The following CSMD1 variants were observed in gnomAD, a reference collection of about 807,000 sequenced individuals.
The protein encoded by CSMD1 is CUB and sushi domain-containing protein 1.
In CSMD1, 213 loss-of-function variants were observed where a neutral mutation model predicts 417.5. The ratio of observed to expected loss-of-function variants is 0.51; its 90% CI spans 0.46 to 0.57. The LOEUF is 0.57. CSMD1 is among the 20% of genes least tolerant of loss of function. The probability of loss-of-function intolerance (pLI) is 0.00; values close to 1 mark genes in which losing one functional copy is unlikely to be tolerated. For missense variants in CSMD1, 6,923 were observed against 4,529.7 expected (o/e 1.53, Z -15.17); for synonymous variants, 2,862 against 1,736.8 (o/e 1.65, Z -16.11).
intron 3 of CSMD1, among the ~76,000 whole-genome samples, chr8:4,111,016 C>G (rs531083941): frequency 1.3e-3 from 192 of 152,252 alleles, no homozygotes; most frequent in African/African-American, 4.3e-3. Context: ...TGCCTGCAAT[C>G]AGGGACTCCC....
In CSMD1 at chr8:3,245,555, C is replaced by G. The variant is rs552882552; in HGVS notation, c.4154-15324G>C. 3.3e-5 allele frequency among the ~76,000 whole-genome samples: 5 copies of G among 152,338 alleles called. No homozygotes were observed. In the East Asian group the frequency reaches 5.8e-4, roughly 18 times the overall value. ...GTCTTTCCTTAGGATCTGAGGCCATCTCTTTGAAATGCATCATCAAGGAAG... is the reference window on the plus strand; with the variant it reads ...GTCTTTCCTTAGGATCTGAGGCCATGTCTTTGAAATGCATCATCAAGGAAG... On this transcript the variant is annotated intron_variant, in intron 26 of 69. Coordinates refer to ENST00000635120, the MANE Select transcript of CSMD1 (RefSeq NM_033225.6).
intron 3 of CSMD1, among the ~76,000 whole-genome samples, chr8:4,321,141 C>G (rs1799251981): frequency 1.3e-5 from 2 of 152,004 alleles, no homozygotes; most frequent in South Asian, 2.1e-4. Flanking sequence ...GGAAGAGTGT[C>G]AAACCTATTT....
chr8:4,856,242 C>A (rs1197955218), intron 1 of CSMD1, among the ~76,000 whole-genome samples: 1 of 138,002 alleles, frequency 7.2e-6, no homozygotes, highest in African/African-American at 2.8e-5. Flanking sequence ...ACCAGGCCTG[C>A]CTTACAAGAG....
intron 23 of CSMD1, among the ~76,000 whole-genome samples, chr8:3,340,970 T>C (rs1807602990): frequency 6.6e-6 from 1 of 152,238 alleles, no homozygotes; most frequent in Admixed American, 6.5e-5. Context: ...CTCCTATTTA[T>C]AGAACATTTG....
chr8:4,154,819 G>C (rs1304545527), intron 3 of CSMD1, among the ~76,000 whole-genome samples: 1 of 151,976 alleles, frequency 6.6e-6, no homozygotes, highest in Non-Finnish European at 1.5e-5. Flanking sequence ...GGAAAGAGAG[G>C]CACGATTATA....
rs376826182 is a variant in CSMD1, at chr8:4,788,317, G to A, written c.86-150759C>T. ...GTGGCAGGCAGAAGTAATGGTTTGGGACCAGTGATGTCTGGGAACACTGCA... is the reference window on the plus strand; with the variant it reads ...GTGGCAGGCAGAAGTAATGGTTTGGAACCAGTGATGTCTGGGAACACTGCA... On this transcript the variant is annotated intron_variant, in intron 1 of 69. Transcript: ENST00000635120. 2.0e-4 allele frequency: 319 copies of A among 1,572,224 alleles called. 3 individuals are homozygous for A. The South Asian group carries it at 3.2e-3, about 16-fold the overall frequency.
At chr8:3,799,069 A>C (rs766658308) in intron 5 of CSMD1, among the ~76,000 whole-genome samples, 17 of 152,066 alleles carry the variant, frequency 1.1e-4, no homozygotes, top group Non-Finnish European at 2.4e-4. Context: ...AATAATTAGA[A>C]CATGAAAAAC....
At chr8:4,574,876 A>T (rs999032067) in intron 2 of CSMD1, among the ~76,000 whole-genome samples, 1 of 152,212 alleles carries the variant, frequency 6.6e-6, no homozygotes, top group Non-Finnish European at 1.5e-5. Context: ...TTTAATTTAA[A>T]TAGACTTTCT....
At position 3,108,632 on chromosome 8, in the gene CSMD1, T is replaced by C; in HGVS notation, c.6725A>G (p.Asn2242Ser). 1 of 1,613,780 alleles carries C rather than the reference T, an allele frequency of 6.2e-7. No homozygotes were observed. Among genetic ancestry groups the C allele is most frequent in the Non-Finnish European group, 8.5e-7 (1 of 1,179,820 alleles). The change falls in exon 44 of 70, where the codon AAT (asparagine) becomes AGT (serine). Residue 2242 changes from asparagine to serine, a missense_variant. Physicochemically the swap from Asn to Ser is conservative, Grantham distance 46. Coordinates refer to ENST00000635120, the MANE Select transcript of CSMD1 (RefSeq NM_033225.6). ...VLLKFHSDFS[N>S]GGFFVLNFHA... ...GAAATTGAGGACAAAGAAGCCTCCA[T>C]TTGAAAAGTCGCTGTGGAACTTGAG...
chr8:3,950,851 T>C (rs1251871888), intron 5 of CSMD1, among the ~76,000 whole-genome samples: 1 of 152,222 alleles, frequency 6.6e-6, no homozygotes, highest in Admixed American at 6.5e-5. Flanking sequence ...GAATATTTTC[T>C]TTAAAAGATT....
chr8:4,789,420 T>C (rs552308430), intron 1 of CSMD1, among the ~76,000 whole-genome samples: 1 of 152,292 alleles, frequency 6.6e-6, no homozygotes, highest in East Asian at 1.9e-4. Flanking sequence ...TATCTAATAT[T>C]GATAGTACTG....
chr8:3,516,997 G>A (rs1016817317), intron 10 of CSMD1, among the ~76,000 whole-genome samples: 34 of 152,284 alleles, frequency 2.2e-4, no homozygotes, highest in African/African-American at 4.1e-4. Flanking sequence ...AGAAAACAGG[G>A]CACTGGTTAG....
At chr8:3,891,165 C>G (rs1436994972) in intron 5 of CSMD1, among the ~76,000 whole-genome samples, 2 of 152,026 alleles carry the variant, frequency 1.3e-5, no homozygotes, top group Non-Finnish European at 2.9e-5. Context: ...CCTCCCTCAG[C>G]CTCCCAAGAA....
Position 3,186,983 on chromosome 8 carries a change from C to G in CSMD1, c.5620+886G>C, listed in dbSNP as rs529039194. Among the ~76,000 whole-genome samples, 33 of 152,318 alleles carry G rather than the reference C, an allele frequency of 2.2e-4. No homozygotes were observed. In the East Asian group the frequency reaches 4.4e-3, roughly 20 times the overall value. ...TCTCGAACTACTGACCTCAGGTGAT[C>G]CGCCCACCTCAGCCTCCCAATGTAA... On this transcript the variant is annotated intron_variant, in intron 36 of 69. Coordinates refer to ENST00000635120, the MANE Select transcript of CSMD1 (RefSeq NM_033225.6).
intron 1 of CSMD1, among the ~76,000 whole-genome samples, chr8:4,720,940 C>T (rs1809014481): frequency 6.6e-6 from 1 of 152,248 alleles, no homozygotes; most frequent in African/African-American, 2.4e-5. Flanking sequence ...ATCTACAATT[C>T]ACCAGCTCTT....
At chr8:2,986,919 G>A (rs1805961133) in intron 54 of CSMD1, among the ~76,000 whole-genome samples, 1 of 151,570 alleles carries the variant, frequency 6.6e-6, no homozygotes, top group Admixed American at 6.6e-5. Flanking sequence ...AGCAAAAACC[G>A]CAATTACTTT....
intron 47 of CSMD1, among the ~76,000 whole-genome samples, chr8:3,094,091 T>A (rs962309480): frequency 4.0e-5 from 6 of 148,684 alleles, no homozygotes; most frequent in East Asian, 1.9e-4. Context: ...GGGTTTTTTT[T>A]ATTTTATTTT....
intron 3 of CSMD1, among the ~76,000 whole-genome samples, chr8:4,033,245 C>A (rs149033388): frequency 0.15 from 22,545 of 151,162 alleles, 2,390 homozygotes; most frequent in East Asian, 0.38. Flanking sequence ...TCGAGACCAT[C>A]CTGGCTAACA....
intron 8 of CSMD1, among the ~76,000 whole-genome samples, chr8:3,591,419 G>A (rs1009808825): frequency 6.6e-6 from 1 of 152,246 alleles, no homozygotes; most frequent in Middle Eastern, 3.4e-3. Context: ...TGTAATACAA[G>A]CAATTTCTAA....
Sources: gnomAD v4.1 joint callset for allele counts (sites outside exome capture counted in the v4.1 genomes callset) on GRCh38, gnomAD v4.1.1 for gene constraint, MANE v1.5 for transcripts, NCBI Gene and HGNC (gene_info 2026-07-23, HGNC 2026-07-21) for gene names.